Variants in OPHN1 observed in about 807,000 individuals in gnomAD.
OPHN1 encodes the protein oligophrenin 1, also known as oligophrenin-1.
A neutral mutation model predicts 60.7 loss-of-function variants in OPHN1; 11 were observed. That is an observed-to-expected ratio of 0.18 (90% CI 0.11 to 0.30). The LOEUF (loss-of-function observed/expected upper bound fraction) is 0.30. Among genes scored for constraint, OPHN1 ranks in the 10% least tolerant of loss-of-function variants. The probability of loss-of-function intolerance (pLI) is 1.00; values close to 1 mark genes in which losing one functional copy is unlikely to be tolerated. For synonymous variants in OPHN1, 226 were observed against 222.6 expected (o/e 1.02, Z -0.14); for missense variants, 449 against 611.0 (o/e 0.73, Z 2.80).
At chrX:68,194,040 G>A in intron 13 of OPHN1, 88 bp from the exon 14 acceptor site, 9 of 797,320 alleles carry the variant, frequency 1.1e-5, no homozygotes, top group Non-Finnish European at 1.3e-5. Flanking sequence ...GGACTGCATT[G>A]AGAGAGCTAA....
At position 68,043,437 on chromosome X, in the gene OPHN1, T is replaced by G. The variant is rs367741846; in HGVS notation, c.*3735A>C. On this transcript the variant is annotated 3_prime_UTR_variant, in exon 25 of 25. Transcript: ENST00000355520. ...TCTCTCTGAAATTTTTTATTATTTC[T>G]GATGTTTTTTTCCAGGCTTGTAATG... The G allele has an allele frequency of 9.0e-6, 1 of 111,101 alleles. No individual in the cohort carries two copies. Among genetic ancestry groups the G allele is most frequent in the East Asian group, 2.8e-4 (1 of 3,534 alleles). 9.2% of individuals were successfully genotyped at this position (111,101 alleles called of 1,213,427 possible). A position where few individuals can be genotyped will look rare whatever the true frequency, so the allele number is the denominator to read the frequency against.
At chrX:68,401,417 A>G (rs2078713859) in intron 2 of OPHN1, among the ~76,000 whole-genome samples, 1 of 111,813 alleles carries the variant, frequency 8.9e-6, no homozygotes, top group Admixed American at 9.6e-5. Flanking sequence ...ATAAAACTCT[A>G]CTCAATTCCA....
Position 68,052,632 on chromosome X carries a change from A to G in OPHN1, c.2325-42T>C, listed in dbSNP as rs2076857009. On this transcript the variant is annotated intron_variant, in intron 22 of 24. Transcript: ENST00000355520. ...ACCAAGTCCCATAAGTTGCTTTGGTATACACGTGAGAACCAATGGCCAACA... is the reference window on the plus strand; with the variant it reads ...ACCAAGTCCCATAAGTTGCTTTGGTGTACACGTGAGAACCAATGGCCAACA... The G allele has an allele frequency of 2.6e-6, 3 of 1,135,347 alleles. No individual in the cohort carries two copies. The East Asian group carries it at 9.1e-5, about 34-fold the overall frequency. 93.6% of individuals were successfully genotyped at this position (1,135,347 alleles called of 1,213,427 possible). A position where few individuals can be genotyped will look rare whatever the true frequency, so the allele number is the denominator to read the frequency against.
intron 15 of OPHN1, among the ~76,000 whole-genome samples, chrX:68,160,284 C>A (rs981257991): frequency 9.0e-6 from 1 of 110,522 alleles, no homozygotes; most frequent in Non-Finnish European, 1.9e-5. Context: ...TACATTAAAG[C>A]AAAACTGACA....
intron 19 of OPHN1, among the ~76,000 whole-genome samples, chrX:68,076,615 T>A (rs1363545593): frequency 1.8e-5 from 2 of 111,798 alleles, no homozygotes; most frequent in Non-Finnish European, 3.8e-5. Flanking sequence ...TGTTTTACGT[T>A]TTCTTTAAAA....
chrX:68,085,764 T>C (rs950817944), intron 19 of OPHN1, among the ~76,000 whole-genome samples: 5 of 112,122 alleles, frequency 4.5e-5, no homozygotes, highest in Non-Finnish European at 9.4e-5. Flanking sequence ...GGAGTTAGAA[T>C]AGGTCCAAGA....
Position 68,048,430 on chromosome X carries a change from T to G in OPHN1, c.2403A>C (p.Glu801Asp). Residue 801 changes from glutamate to aspartate, a missense_variant, in exon 24 of 25, where the codon GAA (glutamate) becomes GAC (aspartate). By Grantham distance (45) the Glu-to-Asp change is conservative. Coordinates refer to ENST00000355520, the MANE Select transcript of OPHN1 (RefSeq NM_002547.3). The stretch of plus-strand genomic sequence containing the variant: ...GGACTGCATACCTGTAGCCTCAACT[T>G]TCATCTCCAGGAAGTCTGCCTTGAG... Reference protein sequence around the residue: ...GSSQGRLPGDES With the variant: ...GSSQGRLPGDDS The G allele has an allele frequency of 8.3e-7, 1 of 1,210,474 alleles. No individual in the cohort carries two copies. Among genetic ancestry groups the G allele is most frequent in the African/African-American group, 1.7e-5 (1 of 57,720 alleles).
intron 2 of OPHN1, among the ~76,000 whole-genome samples, chrX:68,391,058 T>C (rs1423322891): frequency 9.0e-6 from 1 of 111,136 alleles, no homozygotes; most frequent in East Asian, 2.8e-4. Flanking sequence ...ATCTTCTCTC[T>C]ATCTGACCTT....
intron 9 of OPHN1, among the ~76,000 whole-genome samples, chrX:68,209,477 G>A (rs772917333): frequency 9.0e-6 from 1 of 111,644 alleles, no homozygotes; most frequent in South Asian, 3.8e-4. Context: ...GAGGTAGGAG[G>A]GCTGCTTGAG....
chrX:68,058,926 C>T (rs769101630), intron 21 of OPHN1, among the ~76,000 whole-genome samples: 1 of 111,865 alleles, frequency 8.9e-6, no homozygotes, highest in East Asian at 2.8e-4. Flanking sequence ...ATGTAGAGGA[C>T]TCACTTTGTT....
At position 68,189,636 on chromosome X, in the gene OPHN1, C is replaced by T. The variant is rs566213630; in HGVS notation, c.1276+3283G>A. ...GTGCCAAGGTGGCTTACAATGGATC[C>T]AGCACCAGTGAAGATTCTAATCCTC... On this transcript the variant is annotated intron_variant, in intron 15 of 24. Coordinates refer to ENST00000355520, the MANE Select transcript of OPHN1 (RefSeq NM_002547.3). 3.5e-4 allele frequency among the ~76,000 whole-genome samples: 39 copies of T among 110,724 alleles called. No homozygotes were observed. In the Middle Eastern group the frequency reaches 0.019, roughly 53 times the overall value.
At chrX:68,241,948 A>G (rs2077783017) in intron 5 of OPHN1, among the ~76,000 whole-genome samples, 1 of 111,035 alleles carries the variant, frequency 9.0e-6, no homozygotes, top group Non-Finnish European at 1.9e-5. Context: ...CAACAATAAG[A>G]AAATAAATGA....
intron 18 of OPHN1, among the ~76,000 whole-genome samples, chrX:68,103,876 C>T (rs1228007644): frequency 1.8e-5 from 2 of 111,909 alleles, no homozygotes; most frequent in African/African-American, 6.5e-5. Flanking sequence ...GAGAGGAAGT[C>T]AAATTGTCTC....
chrX:68,310,226 T>C (rs1032822665), intron 2 of OPHN1, among the ~76,000 whole-genome samples: 3 of 111,419 alleles, frequency 2.7e-5, no homozygotes. Flanking sequence ...ACTTAGGAGC[T>C]GGGAGCTTGG....
At chrX:68,279,764 G>A (rs752982912) in intron 4 of OPHN1, among the ~76,000 whole-genome samples, 5 of 111,557 alleles carry the variant, frequency 4.5e-5, no homozygotes, top group Non-Finnish European at 7.5e-5. Flanking sequence ...GTGGGAAATA[G>A]GGAGCAAACA....
chrX:68,318,274 T>C (rs1176513506), intron 2 of OPHN1, among the ~76,000 whole-genome samples: 1 of 112,003 alleles, frequency 8.9e-6, no homozygotes, highest in Admixed American at 9.5e-5. Context: ...AGTCTAAATA[T>C]ATGGAGAAGC....
At chrX:68,391,049 T>A (rs1247745138) in intron 2 of OPHN1, among the ~76,000 whole-genome samples, 3 of 111,172 alleles carry the variant, frequency 2.7e-5, no homozygotes, top group Non-Finnish European at 5.7e-5. Context: ...CACCACATCA[T>A]CTTCTCTCTA....
At chrX:68,366,608 C>T (rs973638241) in intron 2 of OPHN1, among the ~76,000 whole-genome samples, 1 of 111,386 alleles carries the variant, frequency 9.0e-6, no homozygotes, top group Non-Finnish European at 1.9e-5. Flanking sequence ...CCTACTTTGG[C>T]CTCTCAAAGT....
intron 12 of OPHN1, among the ~76,000 whole-genome samples, chrX:68,195,008 A>AG (rs1218154363): frequency 0.035 from 1,600 of 46,035 alleles, 70 homozygotes; most frequent in African/African-American, 0.19. Context: ...GAAAGAAAGG[A>AG]AGGAAGGAAG....
Sources: allele counts gnomAD v4.1 joint callset (sites outside exome capture counted in the v4.1 genomes callset), GRCh38; gene constraint gnomAD v4.1.1; transcripts MANE v1.5; gene names NCBI Gene and HGNC (gene_info 2026-07-23, HGNC 2026-07-21).